Variants in DYNC1I1 observed in about 807,000 individuals in gnomAD.
The protein encoded by DYNC1I1 is cytoplasmic dynein 1 intermediate chain 1.
DYNC1I1 carries 43 observed loss-of-function variants against 86.6 expected under a neutral mutation model. The observed-to-expected ratio is 0.50, with a 90% CI of 0.39 to 0.64. DYNC1I1 has a LOEUF of 0.64. Among genes scored for constraint, DYNC1I1 ranks in the 30% least tolerant of loss-of-function variants. The pLI is 0.00. For missense variants in DYNC1I1, 604 were observed against 788.8 expected (o/e 0.77, Z 2.81); for synonymous variants, 262 against 283.7 (o/e 0.92, Z 0.77).
At chr7:95,880,296 G>C (rs993249948) in intron 6 of DYNC1I1, among the ~76,000 whole-genome samples, 1 of 152,024 alleles carries the variant, frequency 6.6e-6, no homozygotes, top group East Asian at 1.9e-4. Flanking sequence ...TGTGAAGTCC[G>C]TTCGTGGAAT....
At chr7:95,807,053 T>C (rs1794717559) in intron 2 of DYNC1I1, among the ~76,000 whole-genome samples, 3 of 152,128 alleles carry the variant, frequency 2.0e-5, no homozygotes. Context: ...AAGAGGATAA[T>C]AGAAGATCCC....
At chr7:95,775,092 C>T (rs1793808329) in intron 1 of DYNC1I1, among the ~76,000 whole-genome samples, 1 of 152,284 alleles carries the variant, frequency 6.6e-6, no homozygotes, top group Non-Finnish European at 1.5e-5. Flanking sequence ...TTAAACATCA[C>T]AAAAATCTTA....
chr7:95,893,626 G>T (rs1173095733), intron 6 of DYNC1I1, among the ~76,000 whole-genome samples: 9 of 152,086 alleles, frequency 5.9e-5, no homozygotes, highest in Non-Finnish European at 5.9e-5. Context: ...TCATCTTGCT[G>T]GCACTCCATG....
chr7:96,043,547 A>AAC (rs1224779248), intron 14 of DYNC1I1, among the ~76,000 whole-genome samples: 2 of 152,026 alleles, frequency 1.3e-5, no homozygotes, highest in African/African-American at 4.8e-5. Flanking sequence ...TTAAAAAAAA[A>AAC]AAAACAGAAC....
At chr7:95,773,391 G>A (rs1041136582) in intron 1 of DYNC1I1, among the ~76,000 whole-genome samples, 1 of 152,136 alleles carries the variant, frequency 6.6e-6, no homozygotes, top group Non-Finnish European at 1.5e-5. Context: ...ACGGCCGCCT[G>A]GCTCTCCTTC....
At chr7:95,845,489 G>T (rs1488508) in intron 5 of DYNC1I1, among the ~76,000 whole-genome samples, 108,640 of 152,054 alleles carry the variant, frequency 0.71, 40,618 homozygotes, top group Non-Finnish European at 0.84. Context: ...TCAAATATTC[G>T]TATGCATTAA....
downstream of DYNC1I1, among the ~76,000 whole-genome samples, chr7:96,102,876 G>T (rs897972513): frequency 2.6e-5 from 4 of 152,106 alleles, no homozygotes; most frequent in Non-Finnish European, 4.4e-5. Flanking sequence ...TAGAAATGAA[G>T]TTCTTTGCCA....
intron 6 of DYNC1I1, among the ~76,000 whole-genome samples, chr7:95,953,216 GT>G (rs1167433490): frequency 6.6e-6 from 1 of 151,204 alleles, no homozygotes; most frequent in African/African-American, 2.4e-5. Context: ...GGCATCAGCA[GT>G]TTTTATAAGC....
At chr7:95,824,241 C>T (rs150267446) in intron 4 of DYNC1I1, among the ~76,000 whole-genome samples, 68 of 151,914 alleles carry the variant, frequency 4.5e-4, no homozygotes, top group African/African-American at 1.5e-3. Context: ...AATCTGCCTG[C>T]CTTGGCCTTC....
chr7:96,053,084 T>TC (rs1243526514), intron 14 of DYNC1I1, among the ~76,000 whole-genome samples: 2 of 152,154 alleles, frequency 1.3e-5, no homozygotes, highest in East Asian at 3.9e-4. Flanking sequence ...ATGCACACTC[T>TC]CACAATTCCA....
intron 14 of DYNC1I1, among the ~76,000 whole-genome samples, chr7:96,052,939 A>C (rs143668811): frequency 6.6e-6 from 1 of 152,266 alleles, no homozygotes; most frequent in Non-Finnish European, 1.5e-5. Context: ...CAGTATTTTG[A>C]ACAACAGTGA....
intron 6 of DYNC1I1, among the ~76,000 whole-genome samples, chr7:95,949,860 A>G (rs1414103701): frequency 6.6e-6 from 1 of 152,222 alleles, no homozygotes; most frequent in Non-Finnish European, 1.5e-5. Context: ...GTCCAGATGT[A>G]CAGAGGTCTT....
chr7:96,001,485 T>C (rs1482673118), intron 10 of DYNC1I1, among the ~76,000 whole-genome samples: 1 of 152,174 alleles, frequency 6.6e-6, no homozygotes, highest in African/African-American at 2.4e-5. Flanking sequence ...GACTGGGCGG[T>C]TTATAAACAA....
chr7:95,846,619 C>CTGTGTGTGTG (rs1486874846), intron 5 of DYNC1I1, among the ~76,000 whole-genome samples: 1 of 105,024 alleles, frequency 9.5e-6, no homozygotes, highest in East Asian at 4.1e-4. Flanking sequence ...AATGATAAAT[C>CTGTGTGTGTG]TCTCTCTCTG....
intron 1 of DYNC1I1, chr7:95,802,864 A>T (rs896038840): frequency 6.6e-6 from 1 of 152,174 alleles, no homozygotes; most frequent in East Asian, 1.9e-4. Flanking sequence ...TCTTGCACTC[A>T]ATCTGTCAGT....
chr7:96,035,488 G>T, intron 12 of DYNC1I1, 131 bp from the exon 13 acceptor site: 1 of 1,230,362 alleles, frequency 8.1e-7, no homozygotes. Flanking sequence ...CATGGTTTCT[G>T]GCACAGCCGG....
At chr7:95,833,961 T>C (rs1788998538) in intron 5 of DYNC1I1, among the ~76,000 whole-genome samples, 1 of 125,304 alleles carries the variant, frequency 8.0e-6, no homozygotes, top group Non-Finnish European at 1.6e-5. Context: ...ATACCCTTTA[T>C]TTCCTTGTCC....
At chr7:96,064,415 A>G (rs1455964084) in intron 14 of DYNC1I1, among the ~76,000 whole-genome samples, 1 of 152,106 alleles carries the variant, frequency 6.6e-6, no homozygotes, top group Non-Finnish European at 1.5e-5. Context: ...TAGATTTCCT[A>G]CTATCCAACT....
intron 5 of DYNC1I1, among the ~76,000 whole-genome samples, chr7:95,846,201 T>C (rs1789421276): frequency 6.6e-6 from 1 of 152,202 alleles, no homozygotes; most frequent in African/African-American, 2.4e-5. Context: ...CTTCTGTACC[T>C]TCCATCCTTA....
Sources: allele counts gnomAD v4.1 joint callset (sites outside exome capture counted in the v4.1 genomes callset), GRCh38; gene constraint gnomAD v4.1.1; transcripts MANE v1.5; gene names NCBI Gene and HGNC (gene_info 2026-07-23, HGNC 2026-07-21).